The following DOK7 variants were observed in gnomAD, a reference collection of about 807,000 sequenced individuals.
The protein encoded by DOK7 is docking protein 7.
DOK7 carries 32 observed loss-of-function variants against 30.7 expected under a neutral mutation model. The observed-to-expected ratio is 1.04, with a 90% CI of 0.79 to 1.40. DOK7 has a LOEUF of 1.40. Ranked by LOEUF, DOK7 falls within the 40% of genes most tolerant of loss-of-function variation. DOK7 has a pLI of 0.00. For missense variants in DOK7, 1,007 were observed against 699.2 expected (o/e 1.44, Z -4.97); for synonymous variants, 447 against 324.1 (o/e 1.38, Z -4.07).
chr4:3,477,404 A>T (rs1319186375), intron 4 of DOK7, among the ~76,000 whole-genome samples: 1 of 152,170 alleles, frequency 6.6e-6, no homozygotes, highest in African/African-American at 2.4e-5. Context: ...TGGAGCCTGG[A>T]TGTGTCTGGG....
At chr4:3,468,690 A>ATGTATGTCTG (rs1478452791) in intron 2 of DOK7, among the ~76,000 whole-genome samples, 1 of 132,196 alleles carries the variant, frequency 7.6e-6, no homozygotes, top group Non-Finnish European at 1.6e-5. Flanking sequence ...CTGTGTGTGC[A>ATGTATGTCTG]TGTATGTCTG....
At chr4:3,496,955 G>A (rs1728944362), downstream of DOK7, 1 of 402,104 alleles carries the variant, frequency 2.5e-6, no homozygotes, top group African/African-American at 2.2e-5. Flanking sequence ...ACTAGATGGG[G>A]AGGGGGGAGG....
At position 3,485,592 on chromosome 4, in the gene DOK7, T is replaced by C. The variant is rs1727723000; in HGVS notation, c.586T>C (p.Phe196Leu). The C allele has an allele frequency of 6.2e-7, 1 of 1,608,236 alleles. No homozygotes were observed. Among genetic ancestry groups the C allele is most frequent in the Non-Finnish European group, 8.5e-7 (1 of 1,177,094 alleles). ...CGAGGGGGAGCAGATCAGCTTCCTG[T>C]TCGACTGCATCGTCCGAGGCATCTC... ...SAEGEQISFLFDCIVRGISPT... is the reference protein window; with the variant it reads ...SAEGEQISFLLDCIVRGISPT... The change falls in exon 5 of 7, where the codon TTC becomes CTC. Residue 196 changes from phenylalanine to leucine, a missense_variant. Transcript: ENST00000340083.
chr4:3,470,947 C>A (rs1726720991), intron 2 of DOK7, among the ~76,000 whole-genome samples: 1 of 152,188 alleles, frequency 6.6e-6, no homozygotes, highest in Non-Finnish European at 1.5e-5. Context: ...GGCCAAGGTG[C>A]CACCACCACA....
At chr4:3,489,927 CTCAT>C in intron 6 of DOK7, 131 bp downstream of exon 6, 1 of 1,380,738 alleles carries the variant, frequency 7.2e-7, no homozygotes, top group Non-Finnish European at 9.7e-7. Flanking sequence ...CTGTCTCCTG[CTCAT>C]TCATTCTTCC....
At chr4:3,490,823 GC>G (rs1728318195) in intron 6 of DOK7, among the ~76,000 whole-genome samples, 1 of 42,434 alleles carries the variant, frequency 2.4e-5, no homozygotes, top group African/African-American at 9.0e-5. Context: ...ATTCATTCCT[GC>G]CTTCCCCCCA....
In DOK7 at chr4:3,493,306, C is replaced by T. The variant is rs368868378; in HGVS notation, c.1320C>T (p.Ala440=). 136 of 1,606,062 alleles carry T rather than the reference C, an allele frequency of 8.5e-5. No homozygotes were observed. Among genetic ancestry groups the T allele is most frequent in the African/African-American group, 4.1e-4 (31 of 74,784 alleles). The change falls in exon 7 of 7, where the codon GCC becomes GCT. Residue 440 remains alanine (A), a synonymous_variant. Coordinates refer to ENST00000340083, the MANE Select transcript of DOK7 (RefSeq NM_173660.5). Reference sequence around the variant, plus strand: ...GGGACTCAGGCGGCCAGACGTCCGCCGGGTGTCCCTCTGGCTGGCTGGGCA... The same window carrying T: ...GGGACTCAGGCGGCCAGACGTCCGCTGGGTGTCCCTCTGGCTGGCTGGGCA... The part of the protein sequence containing the change: ...AARDSGGQTS[A]GCPSGWLGTR...
In DOK7 at chr4:3,493,372, C is replaced by T. The variant is rs776733631; in HGVS notation, c.1386C>T (p.Ser462=). Residue 462 remains serine (S), a synonymous_variant, in exon 7 of 7, where the codon AGC becomes AGT. Coordinates refer to ENST00000340083, the MANE Select transcript of DOK7 (RefSeq NM_173660.5). ...RGLVMEAPQG[S]EATLPGPAPG... ...TGGTGATGGAGGCCCCCCAGGGCAG[C>T]GAGGCCACACTGCCTGGCCCTGCCC... 99 of 1,595,000 alleles carry T rather than the reference C, an allele frequency of 6.2e-5. No individual in the cohort carries two copies. The highest frequency in any genetic ancestry group is 2.0e-4 in the South Asian group (18 of 89,110).
intron 4 of DOK7, among the ~76,000 whole-genome samples, chr4:3,483,557 C>G (rs1226769737): frequency 6.6e-6 from 1 of 152,208 alleles, no homozygotes; most frequent in Non-Finnish European, 1.5e-5. Context: ...GTGGGCTGTG[C>G]TCCAGGCCTT....
rs1484190157 is a variant in DOK7 at position 3,493,188 on chromosome 4, T to C, written c.1202T>C (p.Leu401Pro). ...GTCGAGTACCAGGTGCCCACCTCCC[T>C]GCGGGCCCACTATGACACACCACGC... ...GTVEYQVPTS[L>P]RAHYDTPRSL... The change falls in exon 7 of 7, where the codon CTG (leucine) becomes CCG (proline). Residue 401 changes from leucine (L) to proline (P), a missense_variant. Physicochemically the swap from Leu to Pro is moderately conservative, Grantham distance 98. Coordinates refer to ENST00000340083, the MANE Select transcript of DOK7 (RefSeq NM_173660.5). The C allele has an allele frequency of 2.5e-6, 4 of 1,610,486 alleles. No homozygotes were observed. Among genetic ancestry groups the C allele is most frequent in the Admixed American group, 1.7e-5 (1 of 59,826 alleles).
At chr4:3,483,144 ATGT>A (rs1727535760) in intron 4 of DOK7, among the ~76,000 whole-genome samples, 1 of 28,616 alleles carries the variant, frequency 3.5e-5, no homozygotes, top group Non-Finnish European at 6.2e-5. Flanking sequence ...CTGAGTGGAG[ATGT>A]AGGGGTGTGG....
At chr4:3,484,941 C>A in intron 4 of DOK7, 1 of 943,350 alleles carries the variant, frequency 1.1e-6, no homozygotes, top group South Asian at 4.9e-5. Context: ...GGGATGTGAC[C>A]CCAGCTCCAG....
At chr4:3,485,969 G>A (rs1727757269) in intron 5 of DOK7, among the ~76,000 whole-genome samples, 1 of 152,210 alleles carries the variant, frequency 6.6e-6, no homozygotes, top group Admixed American at 6.5e-5. Flanking sequence ...TGTGCAGTAA[G>A]AGACCCTCTG....
rs181547552 is a variant in DOK7 at position 3,491,106 on chromosome 4, C to G, written c.772+1310C>G. Among the ~76,000 whole-genome samples, 134 of 118,992 alleles carry G rather than the reference C, an allele frequency of 1.1e-3. 1 individual carries two copies. Among genetic ancestry groups the G allele is most frequent in the African/African-American group, 4.1e-3 (127 of 31,240 alleles). 78.1% of individuals were successfully genotyped at this position (118,992 alleles called of 152,430 possible). ...CCACTCCTGCTCATTAATTCCTTCC[C>G]TCTCCCCCTGCTCGTTCATTCGTTT... On this transcript the variant is annotated intron_variant, in intron 6 of 6. Coordinates refer to ENST00000340083, the MANE Select transcript of DOK7 (RefSeq NM_173660.5).
rs77513082 is a variant in DOK7 at position 3,493,455 on chromosome 4, C to T, written c.1469C>T (p.Ser490Leu). The T allele has an allele frequency of 1.9e-3, 3,092 of 1,609,980 alleles. 29 individuals carry two copies. In the East Asian group the frequency reaches 0.027, roughly 14 times the overall value. Reference protein sequence around the residue: ...PHAGPPPAFFSACPVCGGLKV... With the variant: ...PHAGPPPAFFLACPVCGGLKV... ...GCGGGGCCACCCCCGGCTTTCTTTT[C>T]GGCATGTCCAGTCTGTGGAGGACTC... Residue 490 changes from serine to leucine, a missense_variant, in exon 7 of 7, where the codon TCG becomes TTG. Transcript: ENST00000340083.
intron 4 of DOK7, among the ~76,000 whole-genome samples, chr4:3,479,312 C>T (rs149028919): frequency 1.6e-3 from 244 of 152,374 alleles, no homozygotes; most frequent in Admixed American, 2.1e-3. Context: ...GACCCCATCC[C>T]GAGACCATCA....
chr4:3,493,973 C>G lies in DOK7; in HGVS notation c.*472C>G, dbSNP rs1226224986. ...CAAGCTACCACAGAGGCTCCGGCCA[C>G]CTGGGCTCCACCAGCCCAGCCCCCC... On this transcript the variant is annotated 3_prime_UTR_variant, in exon 7 of 7. Coordinates refer to ENST00000340083, the MANE Select transcript of DOK7 (RefSeq NM_173660.5). 1 of 990,798 alleles carries G rather than the reference C, an allele frequency of 1.0e-6. No individual in the cohort carries two copies. The highest frequency in any genetic ancestry group is 1.2e-6 in the Non-Finnish European group (1 of 836,304). 61.4% of individuals were successfully genotyped at this position (990,798 alleles called of 1,614,324 possible). A position where few individuals can be genotyped will look rare whatever the true frequency, so the allele number is the denominator to read the frequency against.
intron 6 of DOK7, among the ~76,000 whole-genome samples, chr4:3,490,738 C>T (rs1320810189): frequency 1.9e-5 from 2 of 105,180 alleles, no homozygotes; most frequent in African/African-American, 4.0e-5. Context: ...TCATTCCTTC[C>T]TTCCTTCTTC....
intron 4 of DOK7, among the ~76,000 whole-genome samples, chr4:3,478,831 G>A (rs1486801653): frequency 6.6e-6 from 1 of 152,198 alleles, no homozygotes; most frequent in Non-Finnish European, 1.5e-5. Flanking sequence ...ACCACCCTGG[G>A]TGGTTTAGGC....
Sources: allele counts gnomAD v4.1 joint callset (sites outside exome capture counted in the v4.1 genomes callset), GRCh38; gene constraint gnomAD v4.1.1; transcripts MANE v1.5; gene names NCBI Gene and HGNC (gene_info 2026-07-23, HGNC 2026-07-21).